Variants in PLCE1 observed in about 807,000 individuals in gnomAD.
PLCE1 encodes the protein phospholipase C epsilon 1, also known as 1-phosphatidylinositol 4,5-bisphosphate phosphodiesterase epsilon-1.
Under a neutral mutation model 242.8 loss-of-function variants are expected in PLCE1, and 119 were observed. That is an observed-to-expected ratio of 0.49 (90% CI 0.42 to 0.57). The LOEUF (loss-of-function observed/expected upper bound fraction) is 0.57. Among genes scored for constraint, PLCE1 ranks in the 20% least tolerant of loss-of-function variants. The pLI, the probability that PLCE1 is intolerant of heterozygous loss-of-function variation, is 0.00. For missense variants in PLCE1, 2,441 were observed against 2,788.8 expected (o/e 0.88, Z 2.81); for synonymous variants, 945 against 1,017.4 (o/e 0.93, Z 1.35).
At chr10:94,018,138 A>G (rs1450958524) in intron 1 of PLCE1, among the ~76,000 whole-genome samples, 1 of 152,216 alleles carries the variant, frequency 6.6e-6, no homozygotes, top group African/African-American at 2.4e-5. Flanking sequence ...TTGACTGTCA[A>G]TTAATTTAAA....
intron 4 of PLCE1, among the ~76,000 whole-genome samples, chr10:94,207,000 T>G (rs1364160212): frequency 6.6e-6 from 1 of 152,248 alleles, no homozygotes; most frequent in Non-Finnish European, 1.5e-5. Context: ...TAATAAAAGG[T>G]CAAATTTACT....
intron 2 of PLCE1, among the ~76,000 whole-genome samples, chr10:94,095,761 TC>T (rs1472637111): frequency 1.3e-5 from 2 of 152,214 alleles, no homozygotes; most frequent in Non-Finnish European, 2.9e-5. Context: ...GGTGGTGTCT[TC>T]CTCACTTTAC....
At chr10:94,044,409 T>C (rs1190298327) in intron 2 of PLCE1, among the ~76,000 whole-genome samples, 1 of 152,178 alleles carries the variant, frequency 6.6e-6, no homozygotes, top group Non-Finnish European at 1.5e-5. Context: ...TGACATGTGA[T>C]TATAAAGGAC....
At chr10:94,284,753 TAACAC>T in intron 21 of PLCE1, 90 bp from the exon 22 acceptor site, 1 of 772,272 alleles carries the variant, frequency 1.3e-6, no homozygotes, top group Admixed American at 1.8e-5. Context: ...AATACAGTAA[TAACAC>T]CAGAGGAGGA....
intron 4 of PLCE1, among the ~76,000 whole-genome samples, chr10:94,189,544 A>G (rs1227162462): frequency 6.6e-6 from 1 of 152,170 alleles, no homozygotes; most frequent in African/African-American, 2.4e-5. Flanking sequence ...GCTCAAACAT[A>G]TTCTGGGCAG....
At chr10:94,220,792 T>G (rs1364315319) in intron 4 of PLCE1, among the ~76,000 whole-genome samples, 6 of 152,134 alleles carry the variant, frequency 3.9e-5, no homozygotes, top group Non-Finnish European at 5.9e-5. Flanking sequence ...AGGTAAACAG[T>G]ATGCCCATTT....
chr10:94,199,077 A>C lies in PLCE1; in HGVS notation c.1809+27581A>C, dbSNP rs529321910. On this transcript the variant is annotated intron_variant, in intron 4 of 32. Transcript: ENST00000371380. ...AAAAACAAGAAAAAAGAAATCCCTC[A>C]GTGTTACTGTATGTGTCAATAATTT... is the stretch of plus-strand genomic sequence containing the variant. Among the ~76,000 whole-genome samples, 390 of 152,228 alleles carry C rather than the reference A, an allele frequency of 2.6e-3. 1 individual carries two copies. Among genetic ancestry groups the C allele is most frequent in the Non-Finnish European group, 4.1e-3 (281 of 67,996 alleles).
intron 22 of PLCE1, among the ~76,000 whole-genome samples, chr10:94,288,744 C>T (rs1437887678): frequency 6.6e-6 from 1 of 152,134 alleles, no homozygotes; most frequent in East Asian, 1.9e-4. Context: ...CTGTGACTTC[C>T]AGGGCTCATT....
At chr10:94,279,991 A>G in intron 20 of PLCE1, 80 bp downstream of exon 20, 1 of 1,410,302 alleles carries the variant, frequency 7.1e-7, no homozygotes, top group Non-Finnish European at 1.0e-6. Context: ...AAATAAGTCT[A>G]GAGCGCCAAA....
At chr10:94,228,873 A>G (rs1189080570) in intron 5 of PLCE1, among the ~76,000 whole-genome samples, 1 of 152,180 alleles carries the variant, frequency 6.6e-6, no homozygotes, top group Non-Finnish European at 1.5e-5. Flanking sequence ...TCTCTTTGTG[A>G]TCAATTTTCT....
At chr10:94,252,100 C>G (rs1307316207) in intron 8 of PLCE1, among the ~76,000 whole-genome samples, 1 of 152,126 alleles carries the variant, frequency 6.6e-6, no homozygotes, top group African/African-American at 2.4e-5. Context: ...GTCACTGGAA[C>G]TCAGCAGTGA....
In PLCE1 at chr10:94,227,462, T is replaced by C. The variant is rs1158048849; in HGVS notation, c.1955+11T>C. The C allele has an allele frequency of 9.3e-6, 15 of 1,611,892 alleles. No individual in the cohort carries two copies. Among genetic ancestry groups the C allele is most frequent in the African/African-American group, 8.0e-5 (6 of 74,874 alleles). On this transcript the variant is annotated intron_variant, in intron 5 of 32. Transcript: ENST00000371380. Reference sequence around the variant, plus strand: ...CTTGGCTGGCCTCAGGTATAGTCAGTGGGGAATATGGTTATCTTGGCACAA... The same window carrying C: ...CTTGGCTGGCCTCAGGTATAGTCAGCGGGGAATATGGTTATCTTGGCACAA...
chr10:94,004,696 T>C (rs977629018), intron 1 of PLCE1, among the ~76,000 whole-genome samples: 2 of 152,174 alleles, frequency 1.3e-5, no homozygotes, highest in Non-Finnish European at 2.9e-5. Context: ...TTTTCAACCA[T>C]CTTTTCTCAT....
At chr10:94,180,411 A>C (rs1228688637) in intron 4 of PLCE1, among the ~76,000 whole-genome samples, 1 of 152,136 alleles carries the variant, frequency 6.6e-6, no homozygotes, top group Non-Finnish European at 1.5e-5. Context: ...ATGGGGGATA[A>C]TTTATCATTT....
intron 3 of PLCE1, among the ~76,000 whole-genome samples, chr10:94,159,678 T>C (rs2047546943): frequency 2.0e-5 from 3 of 152,198 alleles, no homozygotes; most frequent in Non-Finnish European, 4.4e-5. Flanking sequence ...GCAGGTTTGT[T>C]ACATATGTAT....
At position 94,064,237 on chromosome 10, in the gene PLCE1, C is replaced by A. The variant is rs984670802; in HGVS notation, c.1206+31985C>A. ...TGGAAACAAATTAGTCATAATAAGTCAGGCTAGTTGGACAATTAAGAGCGT... is the reference window on the plus strand; with the variant it reads ...TGGAAACAAATTAGTCATAATAAGTAAGGCTAGTTGGACAATTAAGAGCGT... On this transcript the variant is annotated intron_variant, in intron 2 of 32. Coordinates refer to ENST00000371380, the MANE Select transcript of PLCE1 (RefSeq NM_016341.4). 7.9e-5 allele frequency among the ~76,000 whole-genome samples: 12 copies of A among 152,276 alleles called. No individual in the cohort carries two copies. In the South Asian group the frequency reaches 2.5e-3, roughly 32 times the overall value.
intron 2 of PLCE1, among the ~76,000 whole-genome samples, chr10:94,072,378 GCCATT>G (rs1339170502): frequency 6.6e-6 from 1 of 151,918 alleles, no homozygotes; most frequent in Non-Finnish European, 1.5e-5. Flanking sequence ...CCAGGTTCAC[GCCATT>G]CTCCTGCATC....
At chr10:94,131,982 A>T (rs1353173067) in intron 2 of PLCE1, among the ~76,000 whole-genome samples, 192 bp from the exon 3 acceptor site, 1 of 152,220 alleles carries the variant, frequency 6.6e-6, no homozygotes, top group East Asian at 1.9e-4. Flanking sequence ...TTTTATAACT[A>T]CACAGAGCTT....
intron 1 of PLCE1, among the ~76,000 whole-genome samples, chr10:94,004,432 A>G (rs1483760691): frequency 6.6e-6 from 1 of 152,236 alleles, no homozygotes; most frequent in African/African-American, 2.4e-5. Flanking sequence ...CCTAAGGCAT[A>G]TAGAAATGAA....
Sources: gnomAD v4.1 joint callset for allele counts (sites outside exome capture counted in the v4.1 genomes callset) on GRCh38, gnomAD v4.1.1 for gene constraint, MANE v1.5 for transcripts, NCBI Gene and HGNC (gene_info 2026-07-23, HGNC 2026-07-21) for gene names.